The following TRIM55 variants were observed in gnomAD, a reference collection of about 807,000 sequenced individuals.
TRIM55 encodes the protein tripartite motif containing 55.
In TRIM55, 50 loss-of-function variants were observed where a neutral mutation model predicts 60.9. The ratio of observed to expected loss-of-function variants is 0.82; its 90% CI spans 0.65 to 1.04. TRIM55 has a LOEUF of 1.04. TRIM55 is among the 50% of genes least tolerant of loss of function. TRIM55 has a pLI of 0.00. For synonymous variants in TRIM55, 237 were observed against 238.1 expected (o/e 1.00, Z 0.04); for missense variants, 681 against 666.9 (o/e 1.02, Z -0.23).
the TRIM55 span, chr8:66,113,447 C>T: frequency 4.4e-6 from 2 of 452,232 alleles, no homozygotes; most frequent in South Asian, 3.1e-5. Context: ...TGGTTCGATT[C>T]CGGCTCGAAG....
intron 9 of TRIM55, among the ~76,000 whole-genome samples, chr8:66,157,268 C>T (rs1279892107): frequency 6.6e-6 from 1 of 152,060 alleles, no homozygotes; most frequent in Non-Finnish European, 1.5e-5. Flanking sequence ...TTGCAAAAAA[C>T]CTTACTGTAT....
chr8:66,136,169 C>G (rs561378975), intron 3 of TRIM55, among the ~76,000 whole-genome samples: 1 of 152,276 alleles, frequency 6.6e-6, no homozygotes, highest in African/African-American at 2.4e-5. Context: ...GCCCACCTCC[C>G]CCAAAGCATA....
chr8:66,169,709 G>A (rs1223802517), intron 9 of TRIM55, among the ~76,000 whole-genome samples: 1 of 152,150 alleles, frequency 6.6e-6, no homozygotes, highest in Non-Finnish European at 1.5e-5. Context: ...AACCAGCCTT[G>A]CAGCAGGGGC....
intron 9 of TRIM55, among the ~76,000 whole-genome samples, chr8:66,172,353 A>G (rs1326780273): frequency 6.6e-6 from 1 of 152,208 alleles, no homozygotes; most frequent in Non-Finnish European, 1.5e-5. Flanking sequence ...CAGTGGATAT[A>G]AACAAGACCA....
At chr8:66,148,659 A>T (rs542797964) in intron 4 of TRIM55, among the ~76,000 whole-genome samples, 1 of 152,220 alleles carries the variant, frequency 6.6e-6, no homozygotes, top group African/African-American at 2.4e-5. Context: ...GTAGAATGTT[A>T]TGAGAGAAAT....
At chr8:66,160,698 G>T (rs1810998465) in intron 9 of TRIM55, among the ~76,000 whole-genome samples, 1 of 151,430 alleles carries the variant, frequency 6.6e-6, no homozygotes, top group South Asian at 2.1e-4. Context: ...TTAATATTTT[G>T]ATTATGGCCA....
At chr8:66,160,822 G>A (rs1749731962) in intron 9 of TRIM55, among the ~76,000 whole-genome samples, 1 of 150,970 alleles carries the variant, frequency 6.6e-6, no homozygotes, top group South Asian at 2.1e-4. Context: ...ATCTTCTTTT[G>A]AGAATTGTCT....
chr8:66,139,528 A>G (rs1289717329), intron 4 of TRIM55, among the ~76,000 whole-genome samples: 1 of 152,222 alleles, frequency 6.6e-6, no homozygotes, highest in Non-Finnish European at 1.5e-5. Context: ...ACAAGAAGGA[A>G]CAGGTTTGAA....
chr8:66,161,632 C>G (rs1811055398), intron 9 of TRIM55, among the ~76,000 whole-genome samples: 2 of 151,904 alleles, frequency 1.3e-5, no homozygotes, highest in African/African-American at 4.8e-5. Flanking sequence ...GTTATTGATT[C>G]TACCCATCCA....
intron 9 of TRIM55, among the ~76,000 whole-genome samples, chr8:66,162,516 G>A (rs960976577): frequency 6.6e-6 from 1 of 151,640 alleles, no homozygotes; most frequent in Admixed American, 6.6e-5. Flanking sequence ...TTTGGTATTA[G>A]GGTAATACTG....
At chr8:66,157,149 G>A (rs1035295275) in intron 9 of TRIM55, among the ~76,000 whole-genome samples, 1 of 152,158 alleles carries the variant, frequency 6.6e-6, no homozygotes, top group Admixed American at 6.5e-5. Flanking sequence ...ATGCTTCAAG[G>A]CTGTGATCCA....
At chr8:66,171,975 C>G (rs1811664443) in intron 9 of TRIM55, among the ~76,000 whole-genome samples, 1 of 151,658 alleles carries the variant, frequency 6.6e-6, no homozygotes. Context: ...TATTGGGGTG[C>G]TATTGTATAT....
At chr8:66,128,671 G>A (rs1808970083) in intron 2 of TRIM55, among the ~76,000 whole-genome samples, 195 bp downstream of exon 2, 1 of 152,152 alleles carries the variant, frequency 6.6e-6, no homozygotes, top group Admixed American at 6.5e-5. Flanking sequence ...TGGTGCCCAT[G>A]CTTTTGTATC....
intron 9 of TRIM55, chr8:66,155,710 G>C: frequency 6.3e-7 from 1 of 1,593,948 alleles, no homozygotes; most frequent in Non-Finnish European, 8.6e-7. Flanking sequence ...TACTTTAATG[G>C]GTAGGAAATA....
At chr8:66,126,473 C>G (rs368026382), upstream of TRIM55, among the ~76,000 whole-genome samples, 18 of 152,188 alleles carry the variant, frequency 1.2e-4, no homozygotes, top group East Asian at 3.5e-3. Flanking sequence ...TATAATGTAA[C>G]TTTTTTCTCA....
chr8:66,150,674 T>C (rs571008880), intron 7 of TRIM55, among the ~76,000 whole-genome samples: 1 of 134,094 alleles, frequency 7.5e-6, no homozygotes, highest in Non-Finnish European at 1.5e-5. Flanking sequence ...ATATGGTGCC[T>C]TTTTTTTTTT....
intron 2 of TRIM55, among the ~76,000 whole-genome samples, chr8:66,129,979 A>C (rs1231467690): frequency 6.6e-6 from 1 of 152,234 alleles, no homozygotes; most frequent in African/African-American, 2.4e-5. Context: ...CTTTGCACAG[A>C]ATAGTTGCCC....
At chr8:66,166,256 T>C (rs1017765093) in intron 9 of TRIM55, among the ~76,000 whole-genome samples, 1 of 152,226 alleles carries the variant, frequency 6.6e-6, no homozygotes, top group Non-Finnish European at 1.5e-5. Flanking sequence ...TGTGTGTGAG[T>C]AGGGTAATGA....
the TRIM55 span, among the ~76,000 whole-genome samples, chr8:66,114,282 C>T: frequency 7.9e-5 from 12 of 152,216 alleles, no homozygotes; most frequent in African/African-American, 2.6e-4. Context: ...CTGTCCCGTA[C>T]GGTTTTTCTT....
Sources: allele counts gnomAD v4.1 joint callset (sites outside exome capture counted in the v4.1 genomes callset), GRCh38; gene constraint gnomAD v4.1.1; transcripts MANE v1.5; gene names NCBI Gene and HGNC (gene_info 2026-07-23, HGNC 2026-07-21).